PCDHGB1: variants seen among roughly 807,000 people sequenced by gnomAD.
PCDHGB1 encodes the protein protocadherin gamma-B1.
PCDHGB1 carries 34 observed loss-of-function variants against 56.6 expected under a neutral mutation model. The observed-to-expected ratio is 0.60, with a 90% CI of 0.46 to 0.80. PCDHGB1 has a LOEUF of 0.80. Among genes scored for constraint, PCDHGB1 ranks in the 30% least tolerant of loss-of-function variants. PCDHGB1 has a pLI of 0.00. For synonymous variants in PCDHGB1, 561 were observed against 505.9 expected (o/e 1.11, Z -1.46); for missense variants, 1,278 against 1,204.6 (o/e 1.06, Z -0.90).
intron 1 of PCDHGB1, chr5:141,404,643 AC>A (rs769032535): frequency 2.5e-6 from 4 of 1,614,126 alleles, no homozygotes; most frequent in East Asian, 4.5e-5. Flanking sequence ...GAAATCCTGT[AC>A]CCTGCCCTCC....
chr5:141,399,751 G>C, intron 1 of PCDHGB1: 1 of 1,613,322 alleles, frequency 6.2e-7, no homozygotes, highest in South Asian at 1.1e-5. Context: ...CAGCGCAAAC[G>C]TGAGCCTGCG....
chr5:141,417,954 C>G, intron 1 of PCDHGB1: 2 of 1,613,600 alleles, frequency 1.2e-6, no homozygotes, highest in South Asian at 1.1e-5. Flanking sequence ...CTGTGTGAGC[C>G]GATCCGCTAC....
rs574393099 is a variant in PCDHGB1 at position 141,372,200 on chromosome 5, C to T, written c.2409+19531C>T. On this transcript the variant is annotated intron_variant, in intron 1 of 3. Transcript: ENST00000523390. ...TGGACGCAGACTCGGGATACAACGC[C>T]TGGCTGTCCTACCACATTGTGCAGG... The T allele has an allele frequency of 2.0e-5, 32 of 1,613,598 alleles. No individual in the cohort carries two copies. The South Asian group carries it at 3.4e-4, about 17-fold the overall frequency.
At chr5:141,365,624 CT>C (rs746073456) in intron 1 of PCDHGB1, 28 of 1,613,680 alleles carry the variant, frequency 1.7e-5, no homozygotes, top group East Asian at 1.3e-4. Flanking sequence ...AACCCCGCCC[CT>C]CTCTACAGAA....
intron 1 of PCDHGB1, chr5:141,364,780 A>C (rs1217288326): frequency 6.2e-7 from 1 of 1,614,006 alleles, no homozygotes; most frequent in Non-Finnish European, 8.5e-7. Flanking sequence ...CTGCAGGGAC[A>C]CGGTTAGTGC....
In PCDHGB1 at chr5:141,350,355, G is replaced by A. The variant is rs762723957; in HGVS notation, c.95G>A (p.Arg32Gln). The stretch of plus-strand genomic sequence containing the variant: ...TGCGGGGCCATCTCCCAGCAGATCC[G>A]ATACACGATTCCAGAGGAGCTAGCC... ...LFCGAISQQI[R>Q]YTIPEELANG... The change falls in exon 1 of 4, where the codon CGA becomes CAA. Residue 32 changes from arginine to glutamine, a missense_variant. By Grantham distance (43) the Arg-to-Gln change is conservative. Coordinates refer to ENST00000523390, the MANE Select transcript of PCDHGB1 (RefSeq NM_018922.3). 2 of 1,565,846 alleles carry A rather than the reference G, an allele frequency of 1.3e-6. No homozygotes were observed. Among genetic ancestry groups the A allele is most frequent in the Non-Finnish European group, 1.7e-6 (2 of 1,155,674 alleles).
At chr5:141,381,830 T>C (rs796824162) in intron 1 of PCDHGB1, among the ~76,000 whole-genome samples, 3 of 133,454 alleles carry the variant, frequency 2.2e-5, no homozygotes, top group African/African-American at 9.3e-5. Flanking sequence ...CTTCTTCTTT[T>C]TTTTTTTTTT....
At chr5:141,375,665 C>A in intron 1 of PCDHGB1, 1 of 1,614,242 alleles carries the variant, frequency 6.2e-7, no homozygotes, top group Non-Finnish European at 8.5e-7. Flanking sequence ...GTTGAGAGAC[C>A]TACAGCTGTG....
chr5:141,394,557 G>A (rs372165481), intron 1 of PCDHGB1: 23 of 1,613,964 alleles, frequency 1.4e-5, no homozygotes, highest in South Asian at 4.4e-5. Context: ...GCCCCGCTCC[G>A]CAGAGCGTGG....
Position 141,493,806 on chromosome 5 carries a change from T to C in PCDHGB1, c.2410-1001T>C, listed in dbSNP as rs1339302166. On this transcript the variant is annotated intron_variant, in intron 1 of 3. Coordinates refer to ENST00000523390, the MANE Select transcript of PCDHGB1 (RefSeq NM_018922.3). This position sits in a 1 kb window ranked among gnomAD's most constrained non-coding sequence, Gnocchi z 4.3. ...TCCTTCTCCCTGGAGTAATCTGAGA[T>C]ACTCACACTCTCTGCTTCTGGGAGC... is the stretch of plus-strand genomic sequence containing the variant. Among the ~76,000 whole-genome samples, 1 of 152,162 alleles carries C rather than the reference T, an allele frequency of 6.6e-6. No homozygotes were observed. The highest frequency in any genetic ancestry group is 1.5e-5 in the Non-Finnish European group (1 of 68,038).
At chr5:141,462,100 G>T (rs1202526885) in intron 1 of PCDHGB1, among the ~76,000 whole-genome samples, 1 of 152,164 alleles carries the variant, frequency 6.6e-6, no homozygotes, top group Non-Finnish European at 1.5e-5. Flanking sequence ...TGGGATTACA[G>T]GCATGAGCCA....
intron 1 of PCDHGB1, chr5:141,404,204 T>A: frequency 6.2e-7 from 1 of 1,613,718 alleles, no homozygotes; most frequent in Non-Finnish European, 8.5e-7. Context: ...AGCCTCAGAA[T>A]ATAATATCAC....
At chr5:141,409,081 A>G (rs1220843821) in intron 1 of PCDHGB1, 3 of 1,613,820 alleles carry the variant, frequency 1.9e-6, no homozygotes, top group Non-Finnish European at 2.5e-6. Context: ...ATATGTTCTC[A>G]TTGGATGAGA....
chr5:141,364,414 C>A (rs776503621), intron 1 of PCDHGB1: 13 of 1,612,210 alleles, frequency 8.1e-6, no homozygotes, highest in Admixed American at 3.3e-5. Context: ...AGCCAGGATC[C>A]GGGCAGATCC....
intron 1 of PCDHGB1, chr5:141,355,018 A>G: frequency 1.1e-6 from 1 of 878,880 alleles, no homozygotes; most frequent in Non-Finnish European, 1.6e-6. Flanking sequence ...CAGAAATTTA[A>G]TCAGAATCAC....
Position 141,350,656 on chromosome 5 carries a change from A to G in PCDHGB1, c.396A>G (p.Ala132=). 1 of 1,614,044 alleles carries G rather than the reference A, an allele frequency of 6.2e-7. No individual in the cohort carries two copies. Among genetic ancestry groups the G allele is most frequent in the East Asian group, 2.2e-5 (1 of 44,890 alleles). Residue 132 remains alanine (A), a synonymous_variant, in exon 1 of 4, where the codon GCA becomes GCG. Coordinates refer to ENST00000523390, the MANE Select transcript of PCDHGB1 (RefSeq NM_018922.3). The part of the protein sequence containing the change: ...DINDNAPRFV[A]KGIDLEICES... ...ATGACAATGCACCACGTTTCGTTGC[A>G]AAAGGCATTGACTTAGAAATTTGTG...
intron 3 of PCDHGB1, among the ~76,000 whole-genome samples, chr5:141,505,926 G>T (rs114056147): frequency 6.6e-6 from 1 of 152,146 alleles, no homozygotes; most frequent in African/African-American, 2.4e-5. Flanking sequence ...TGGGCCTGGC[G>T]CTTGGAAGCC....
intron 1 of PCDHGB1, chr5:141,382,970 G>A (rs776231859): frequency 1.9e-6 from 3 of 1,609,444 alleles, no homozygotes; most frequent in Non-Finnish European, 2.5e-6. Context: ...GGGACCCCCT[G>A]GGAAGCCTGG....
Position 141,475,143 on chromosome 5 carries a change from T to TC in PCDHGB1, c.2410-19662dup, listed in dbSNP as rs372338581. On this transcript the variant is annotated intron_variant, in intron 1 of 3. Transcript: ENST00000523390. ...GGCTTTTTTTCTTTTTGAAATCTTC[T>TC]CCGTCTTCTTCTTCATTAGCAGTGC... Among the ~76,000 whole-genome samples the TC allele has an allele frequency of 4.9e-3, 751 of 152,356 alleles. 5 individuals carry two copies. Among genetic ancestry groups the TC allele is most frequent in the Non-Finnish European group, 6.5e-3 (439 of 68,034 alleles).
Sources: gnomAD v4.1 joint callset for allele counts (sites outside exome capture counted in the v4.1 genomes callset) on GRCh38, gnomAD v4.1.1 for gene constraint, Gnocchi (gnomAD v3.1) non-coding constraint, MANE v1.5 for transcripts, NCBI Gene and HGNC (gene_info 2026-07-23, HGNC 2026-07-21) for gene names.